GPC6: variants seen among roughly 807,000 people sequenced by gnomAD.
GPC6 encodes the protein glypican-6.
GPC6 carries 14 observed loss-of-function variants against 55.2 expected under a neutral mutation model. That is an observed-to-expected ratio of 0.25 (90% CI 0.17 to 0.40). The LOEUF is 0.40. GPC6 is among the 10% of genes least tolerant of loss of function. The pLI, the probability that GPC6 is intolerant of heterozygous loss-of-function variation, is 1.00. For missense variants in GPC6, 641 were observed against 708.5 expected (o/e 0.90, Z 1.08); for synonymous variants, 278 against 259.6 (o/e 1.07, Z -0.68).
At chr13:93,931,298 G>A (rs1222451910) in intron 3 of GPC6, among the ~76,000 whole-genome samples, 1 of 152,006 alleles carries the variant, frequency 6.6e-6, no homozygotes, top group Non-Finnish European at 1.5e-5. Context: ...ACTGGATTTG[G>A]GCAGTTGGAT....
chr13:94,019,610 G>C (rs892177330), intron 3 of GPC6, among the ~76,000 whole-genome samples: 1 of 152,072 alleles, frequency 6.6e-6, no homozygotes, highest in South Asian at 2.1e-4. Flanking sequence ...CTTCTTCTTT[G>C]TGTCTCTGAG....
intron 2 of GPC6, among the ~76,000 whole-genome samples, chr13:93,704,732 C>G (rs180794313): frequency 6.6e-6 from 1 of 152,020 alleles, no homozygotes; most frequent in Admixed American, 6.6e-5. Context: ...CATGGAAGCA[C>G]TGGGTTTTTG....
intron 7 of GPC6, among the ~76,000 whole-genome samples, chr13:94,386,565 G>A (rs950094888): frequency 6.6e-6 from 1 of 152,072 alleles, no homozygotes; most frequent in African/African-American, 2.4e-5. Flanking sequence ...ACTCCAGCCT[G>A]AGCAACAGAG....
At chr13:94,244,806 G>A (rs1891150824) in intron 4 of GPC6, among the ~76,000 whole-genome samples, 1 of 151,872 alleles carries the variant, frequency 6.6e-6, no homozygotes, top group African/African-American at 2.4e-5. Context: ...GGGGATGTAG[G>A]GAATGTGGGA....
At chr13:94,248,484 T>C (rs1232971920) in intron 4 of GPC6, among the ~76,000 whole-genome samples, 1 of 152,092 alleles carries the variant, frequency 6.6e-6, no homozygotes, top group Non-Finnish European at 1.5e-5. Flanking sequence ...GGCCAATGAA[T>C]AAAAACCTCA....
chr13:94,024,806 C>G (rs1156386590), intron 3 of GPC6, among the ~76,000 whole-genome samples: 2 of 151,886 alleles, frequency 1.3e-5, no homozygotes, highest in Non-Finnish European at 2.9e-5. Context: ...CCTTTGAAAA[C>G]AAAGTTAAAA....
intron 4 of GPC6, among the ~76,000 whole-genome samples, chr13:94,150,026 T>C (rs1198699551): frequency 2.0e-5 from 3 of 152,104 alleles, no homozygotes; most frequent in African/African-American, 4.8e-5. Context: ...ACATGGAGTT[T>C]GGAGTCCCAA....
chr13:93,906,131 G>A (rs905373506), intron 3 of GPC6, among the ~76,000 whole-genome samples: 1 of 152,026 alleles, frequency 6.6e-6, no homozygotes, highest in Non-Finnish European at 1.5e-5. Context: ...TCTGGCTCCT[G>A]GACCCACAAA....
chr13:93,848,298 T>C (rs1442819665), intron 3 of GPC6, among the ~76,000 whole-genome samples: 2 of 152,100 alleles, frequency 1.3e-5, no homozygotes, highest in Non-Finnish European at 2.9e-5. Flanking sequence ...CTATTGAAAA[T>C]TGAGTTTAGA....
intron 6 of GPC6, among the ~76,000 whole-genome samples, chr13:94,358,631 A>T (rs1878913031): frequency 6.6e-6 from 1 of 152,190 alleles, no homozygotes. Flanking sequence ...TGAGTTGGGG[A>T]TACAAGTTAA....
At chr13:93,505,715 C>T (rs891481550) in intron 1 of GPC6, among the ~76,000 whole-genome samples, 10 of 152,128 alleles carry the variant, frequency 6.6e-5, no homozygotes, top group African/African-American at 2.4e-4. Flanking sequence ...ATGAAAGGGG[C>T]ACTTGTTTAA....
chr13:94,398,237 T>TA (rs375910551), intron 7 of GPC6, among the ~76,000 whole-genome samples: 6,493 of 139,722 alleles, frequency 0.046, 379 homozygotes, highest in African/African-American at 0.14. Context: ...CAGTGCCATT[T>TA]AAAAAAAAAA....
chr13:93,915,655 A>G (rs1226738919), intron 3 of GPC6, among the ~76,000 whole-genome samples: 2 of 152,174 alleles, frequency 1.3e-5, no homozygotes, highest in Non-Finnish European at 2.9e-5. Context: ...TATTTAATGA[A>G]TATCATGAAC....
chr13:93,510,585 A>G (rs1011383811), intron 1 of GPC6, among the ~76,000 whole-genome samples: 1 of 151,866 alleles, frequency 6.6e-6, no homozygotes, highest in Non-Finnish European at 1.5e-5. Flanking sequence ...TTGATTCCTT[A>G]TCTTTGCTAT....
chr13:93,265,794 T>A (rs1877302315), intron 1 of GPC6, among the ~76,000 whole-genome samples: 1 of 142,832 alleles, frequency 7.0e-6, no homozygotes, highest in African/African-American at 2.7e-5. Flanking sequence ...TATTTCTTTT[T>A]TTTCTTTTTT....
At chr13:93,336,393 T>G (rs1421595608) in intron 1 of GPC6, among the ~76,000 whole-genome samples, 1 of 152,222 alleles carries the variant, frequency 6.6e-6, no homozygotes, top group Non-Finnish European at 1.5e-5. Context: ...TTCCCCCAGA[T>G]TTGGATGTCT....
intron 4 of GPC6, among the ~76,000 whole-genome samples, chr13:94,073,767 T>A (rs886161943): frequency 6.6e-5 from 10 of 152,182 alleles, no homozygotes; most frequent in Admixed American, 1.3e-4. Flanking sequence ...TCTTGAATTT[T>A]AAAAAATTAA....
chr13:93,653,332 A>T (rs1198637138), intron 2 of GPC6, among the ~76,000 whole-genome samples: 2 of 152,212 alleles, frequency 1.3e-5, no homozygotes, highest in South Asian at 2.1e-4. Flanking sequence ...ATCACATGTT[A>T]AATTATATTC....
intron 4 of GPC6, among the ~76,000 whole-genome samples, chr13:94,210,210 A>AT (rs1890036847): frequency 6.8e-6 from 1 of 147,908 alleles, no homozygotes; most frequent in East Asian, 2.0e-4. Flanking sequence ...AGGCTGGAGT[A>AT]TAGTGGCACA....
Sources: gnomAD v4.1 joint callset for allele counts (sites outside exome capture counted in the v4.1 genomes callset) on GRCh38, gnomAD v4.1.1 for gene constraint, MANE v1.5 for transcripts, NCBI Gene and HGNC (gene_info 2026-07-23, HGNC 2026-07-21) for gene names.